NFATC2: variants seen among roughly 807,000 people sequenced by gnomAD.
NFATC2 encodes the protein nuclear factor of activated T cells 2.
Under a neutral mutation model 87.3 loss-of-function variants are expected in NFATC2, and 22 were observed. That is an observed-to-expected ratio of 0.25 (90% CI 0.18 to 0.36). The LOEUF (loss-of-function observed/expected upper bound fraction) is 0.36, where lower values mean the gene tolerates loss of function less well. Ranked by LOEUF, NFATC2 falls within the 10% of genes least tolerant of loss-of-function variation. NFATC2 has a pLI of 1.00. For synonymous variants in NFATC2, 565 were observed against 542.2 expected (o/e 1.04, Z -0.58); for missense variants, 1,149 against 1,259.1 (o/e 0.91, Z 1.32).
At position 51,391,380 on chromosome 20, in the gene NFATC2, G is replaced by A; in HGVS notation, c.*116C>T. ...AGGGGTCAGATACAGAAGGTGTCTT[G>A]CTATAATGGCTTCTTTTACGTCTGA... On this transcript the variant is annotated 3_prime_UTR_variant, in exon 11 of 11. Transcript: ENST00000371564. 1.3e-6 allele frequency: 2 copies of A among 1,549,752 alleles called. No individual in the cohort carries two copies. The highest frequency in any genetic ancestry group is 2.5e-5 in the East Asian group (1 of 39,654).
At chr20:51,463,017 A>G (rs1338057463) in intron 5 of NFATC2, among the ~76,000 whole-genome samples, 1 of 152,270 alleles carries the variant, frequency 6.6e-6, no homozygotes, top group African/African-American at 2.4e-5. Flanking sequence ...AGCACTGAGC[A>G]ACCCTGGCCT....
intron 3 of NFATC2, among the ~76,000 whole-genome samples, chr20:51,503,697 T>C (rs1297608870): frequency 1.3e-5 from 2 of 152,236 alleles, no homozygotes. Flanking sequence ...GAGCCACTGT[T>C]GTTCTACCTC....
At chr20:51,534,383 A>G (rs2076685617) in intron 1 of NFATC2, among the ~76,000 whole-genome samples, 1 of 152,210 alleles carries the variant, frequency 6.6e-6, no homozygotes, top group Non-Finnish European at 1.5e-5. Context: ...AGCACAGGCT[A>G]CAGTGCAGTG....
At chr20:51,544,633 G>T (rs2076874505), upstream of NFATC2, among the ~76,000 whole-genome samples, 1 of 152,232 alleles carries the variant, frequency 6.6e-6, no homozygotes, top group Admixed American at 6.5e-5. Flanking sequence ...TATGAACGGG[G>T]TTTTCAAAAT....
intron 9 of NFATC2, among the ~76,000 whole-genome samples, chr20:51,424,873 T>C (rs1427821557): frequency 6.6e-6 from 1 of 151,546 alleles, no homozygotes; most frequent in Non-Finnish European, 1.5e-5. Flanking sequence ...CCCTAAAGCA[T>C]TCATCCTCAA....
chr20:51,475,408 C>T, intron 4 of NFATC2, 50 bp downstream of exon 4: 1 of 1,592,786 alleles, frequency 6.3e-7, no homozygotes, highest in Non-Finnish European at 8.6e-7. Context: ...CCACCTGCCC[C>T]CTGCTCGCTT....
At chr20:51,402,817 ACCTCCC>A (rs1988189696) in intron 9 of NFATC2, among the ~76,000 whole-genome samples, 1 of 151,620 alleles carries the variant, frequency 6.6e-6, no homozygotes, top group Non-Finnish European at 1.5e-5. Context: ...ATCATGCAAA[ACCTCCC>A]CCTCTTCTGG....
At chr20:51,458,654 A>G (rs1411206286) in intron 5 of NFATC2, among the ~76,000 whole-genome samples, 6 of 151,928 alleles carry the variant, frequency 3.9e-5, no homozygotes, top group Non-Finnish European at 7.4e-5. Context: ...AAAAAAAAAA[A>G]AAAGAAATTA....
At chr20:51,491,861 AACACACACATACACATACACACACAC>A (rs2075891879) in intron 3 of NFATC2, among the ~76,000 whole-genome samples, 1 of 64,880 alleles carries the variant, frequency 1.5e-5, no homozygotes, top group African/African-American at 6.5e-5. Context: ...CACCCCCACC[AACACACACATACACATACACACACAC>A]ACACACACAC....
At chr20:51,435,364 C>T (rs1195132899) in intron 7 of NFATC2, 50 bp from the exon 8 acceptor site, 1 of 1,611,804 alleles carries the variant, frequency 6.2e-7, no homozygotes, top group Admixed American at 1.7e-5. Flanking sequence ...GTCTCAGTTC[C>T]TACCCAGACC....
chr20:51,543,451 A>G (rs977500753), upstream of NFATC2, among the ~76,000 whole-genome samples: 1 of 152,076 alleles, frequency 6.6e-6, no homozygotes, highest in South Asian at 2.1e-4. Context: ...GTCAAGGAGG[A>G]CCTCTCTGAG....
At chr20:51,448,334 C>T (rs1985336583) in intron 6 of NFATC2, among the ~76,000 whole-genome samples, 1 of 152,170 alleles carries the variant, frequency 6.6e-6, no homozygotes, top group African/African-American at 2.4e-5. Context: ...TAGGAGGCCG[C>T]AGGCTTGAAA....
rs1353559323 is a variant in NFATC2 at position 51,435,215 on chromosome 20, G to A, written c.2005C>T (p.Gln669Ter). 6.2e-7 allele frequency: 1 copy of A among 1,614,074 alleles called. No individual in the cohort carries two copies. Among genetic ancestry groups the A allele is most frequent in the Non-Finnish European group, 8.5e-7 (1 of 1,180,036 alleles). The change falls in exon 8 of 11, where the codon CAG becomes TAG. Residue 669 changes from glutamine (Q) to a stop codon, truncating the protein, a stop_gained. Coordinates refer to ENST00000371564, the MANE Select transcript of NFATC2 (RefSeq NM_012340.5). LOFTEE classifies it high-confidence loss of function. ...YVINGKRKRSQPQHFTYHPVP... is the reference protein window; with the variant it reads ...YVINGKRKRS ...GGGTGGTAGGTAAAGTGCTGAGGCT[G>A]ACTTCGTTTTCTCTTCCCATTGATG...
chr20:51,543,232 C>G (rs1382085059), upstream of NFATC2, among the ~76,000 whole-genome samples: 1 of 152,220 alleles, frequency 6.6e-6, no homozygotes, highest in Non-Finnish European at 1.5e-5. Flanking sequence ...TAGTCCCCCC[C>G]GTTACAGCTA....
At chr20:51,528,509 C>T (rs988015121) in intron 1 of NFATC2, among the ~76,000 whole-genome samples, 2 of 152,018 alleles carry the variant, frequency 1.3e-5, no homozygotes, top group Non-Finnish European at 2.9e-5. Context: ...TGTACACACA[C>T]ATATGTACAC....
intron 1 of NFATC2, among the ~76,000 whole-genome samples, chr20:51,550,244 CA>C (rs2076921687): frequency 6.6e-6 from 1 of 152,090 alleles, no homozygotes; most frequent in South Asian, 2.1e-4. Context: ...TGCAGTGAGC[CA>C]TGATCGCACC....
rs570861473 is a variant in NFATC2 at position 51,493,089 on chromosome 20, A to T, written c.1333-17429T>A. On this transcript the variant is annotated intron_variant, in intron 3 of 10. Transcript: ENST00000371564. ...TTGCCATCAGGAAACCAGGAGAAGA[A>T]GATTCCAGAGCAGTGGGGTCCAACA... is the stretch of plus-strand genomic sequence containing the variant. 1.2e-4 allele frequency among the ~76,000 whole-genome samples: 18 copies of T among 152,344 alleles called. No individual in the cohort carries two copies. The South Asian group carries it at 3.7e-3, about 32-fold the overall frequency.
intron 9 of NFATC2, among the ~76,000 whole-genome samples, chr20:51,428,500 C>A (rs934543884): frequency 6.6e-6 from 1 of 152,158 alleles, no homozygotes; most frequent in Admixed American, 6.5e-5. Flanking sequence ...ACAAACGGGG[C>A]CAAGCCAGCC....
chr20:51,478,756 T>C (rs1681393048), intron 3 of NFATC2, among the ~76,000 whole-genome samples: 1 of 152,214 alleles, frequency 6.6e-6, no homozygotes, highest in Admixed American at 6.5e-5. Flanking sequence ...TCTAAGAGCC[T>C]TCCCACAGCC....
Sources: allele counts gnomAD v4.1 joint callset (sites outside exome capture counted in the v4.1 genomes callset), GRCh38; gene constraint gnomAD v4.1.1; transcripts MANE v1.5; gene names NCBI Gene and HGNC (gene_info 2026-07-23, HGNC 2026-07-21).